Variants in NRG3 observed in about 807,000 individuals in gnomAD.
The protein encoded by NRG3 is pro-neuregulin-3, membrane-bound isoform.
Under a neutral mutation model 66.9 loss-of-function variants are expected in NRG3, and 31 were observed. The observed-to-expected ratio is 0.46, with a 90% confidence interval of 0.35 to 0.63. The LOEUF (loss-of-function observed/expected upper bound fraction) is 0.63, where lower values mean the gene tolerates loss of function less well. Among genes scored for constraint, NRG3 ranks in the 20% least tolerant of loss-of-function variants. The probability of loss-of-function intolerance (pLI) is 0.00; values close to 1 mark genes in which losing one functional copy is unlikely to be tolerated. For synonymous variants in NRG3, 393 were observed against 359.4 expected, an observed-to-expected ratio of 1.09 and a Z score of -1.06; for missense variants, 910 against 878.9, an observed-to-expected ratio of 1.04 and a Z score of -0.45.
chr10:82,576,198 C>A (rs952416777), intron 2 of NRG3, among the ~76,000 whole-genome samples: 5 of 151,428 alleles, frequency 3.3e-5, no homozygotes, highest in Non-Finnish European at 4.4e-5. Context: ...TCTCTTCTTT[C>A]CTGCCTTCTC....
chr10:82,192,668 T>C (rs1318499341), intron 1 of NRG3, among the ~76,000 whole-genome samples: 1 of 152,166 alleles, frequency 6.6e-6, no homozygotes, highest in Non-Finnish European at 1.5e-5. Context: ...AATGTATTAA[T>C]TCATTGATTT....
intron 2 of NRG3, among the ~76,000 whole-genome samples, chr10:82,680,241 C>G (rs1286038741): frequency 1.3e-5 from 2 of 152,112 alleles, no homozygotes; most frequent in Non-Finnish European, 2.9e-5. Flanking sequence ...TGCCTCACAT[C>G]TAATAACTGC....
chr10:82,320,709 C>G (rs1427710786), intron 1 of NRG3, among the ~76,000 whole-genome samples: 2 of 152,118 alleles, frequency 1.3e-5, no homozygotes, highest in Admixed American at 6.5e-5. Flanking sequence ...GTGATATGGA[C>G]AACACATAAG....
chr10:82,688,990 T>C (rs895859454), intron 2 of NRG3, among the ~76,000 whole-genome samples: 1 of 152,186 alleles, frequency 6.6e-6, no homozygotes, highest in African/African-American at 2.4e-5. Flanking sequence ...TCCTGATCTT[T>C]TAAAGCTTTC....
At chr10:81,884,633 G>A (rs1201373611) in intron 1 of NRG3, among the ~76,000 whole-genome samples, 2 of 152,080 alleles carry the variant, frequency 1.3e-5, no homozygotes, top group African/African-American at 4.8e-5. Flanking sequence ...AAGTTCTCTA[G>A]TGATGACTGA....
At chr10:82,963,336 C>T (rs1190241049) in intron 6 of NRG3, among the ~76,000 whole-genome samples, 1 of 152,186 alleles carries the variant, frequency 6.6e-6, no homozygotes, top group African/African-American at 2.4e-5. Flanking sequence ...GCAGCAGTTA[C>T]AAGTGGGTTT....
intron 2 of NRG3, among the ~76,000 whole-genome samples, chr10:82,500,581 A>G (rs565700000): frequency 6.6e-6 from 1 of 152,316 alleles, no homozygotes; most frequent in South Asian, 2.1e-4. Flanking sequence ...TCTAACTTGC[A>G]TCTGATCTGC....
chr10:82,261,266 C>A (rs114016944), intron 1 of NRG3, among the ~76,000 whole-genome samples: 2 of 152,108 alleles, frequency 1.3e-5, no homozygotes, highest in African/African-American at 4.8e-5. Flanking sequence ...GGGCGCCACC[C>A]GCTTCACTCA....
At chr10:82,826,897 C>G (rs1006136037) in intron 3 of NRG3, among the ~76,000 whole-genome samples, 6 of 151,914 alleles carry the variant, frequency 3.9e-5, no homozygotes, top group Non-Finnish European at 8.8e-5. Flanking sequence ...ACATGTACCC[C>G]CTGCACCTAA....
intron 4 of NRG3, among the ~76,000 whole-genome samples, chr10:82,900,836 A>G (rs1239739838): frequency 6.6e-6 from 1 of 152,202 alleles, no homozygotes; most frequent in African/African-American, 2.4e-5. Context: ...GATGACACAC[A>G]TTTTGATGAC....
chr10:82,798,111 G>A (rs1353545927), intron 3 of NRG3, among the ~76,000 whole-genome samples: 1 of 152,002 alleles, frequency 6.6e-6, no homozygotes, highest in Non-Finnish European at 1.5e-5. Flanking sequence ...TTGAAAAAAA[G>A]TGTAACACTG....
chr10:82,405,748 G>A (rs970766525), intron 2 of NRG3, among the ~76,000 whole-genome samples: 6 of 152,172 alleles, frequency 3.9e-5, no homozygotes, highest in African/African-American at 7.2e-5. Flanking sequence ...GATTACAGGC[G>A]TGAGCCACAG....
At chr10:82,522,293 C>A (rs1276937586) in intron 2 of NRG3, among the ~76,000 whole-genome samples, 1 of 152,068 alleles carries the variant, frequency 6.6e-6, no homozygotes, top group Non-Finnish European at 1.5e-5. Context: ...GATCCGCCTG[C>A]CCCAGCCTCT....
At chr10:82,577,142 A>T (rs919365839) in intron 2 of NRG3, among the ~76,000 whole-genome samples, 3 of 151,780 alleles carry the variant, frequency 2.0e-5, no homozygotes, top group South Asian at 2.1e-4. Context: ...TTGAAATGCA[A>T]TATATAATTC....
chr10:82,852,553 A>G (rs1268789219), intron 3 of NRG3, among the ~76,000 whole-genome samples: 1 of 152,174 alleles, frequency 6.6e-6, no homozygotes, highest in African/African-American at 2.4e-5. Context: ...TCTCATCTAT[A>G]AAATACCATC....
chr10:82,290,996 A>G (rs550825606), intron 1 of NRG3, among the ~76,000 whole-genome samples: 2 of 152,020 alleles, frequency 1.3e-5, no homozygotes, highest in Non-Finnish European at 2.9e-5. Context: ...ACACATACAC[A>G]TTATTTTTCT....
At chr10:81,916,265 C>T (rs1487854728) in intron 1 of NRG3, among the ~76,000 whole-genome samples, 3 of 151,990 alleles carry the variant, frequency 2.0e-5, no homozygotes, top group Non-Finnish European at 2.9e-5. Flanking sequence ...ATGAGACAGC[C>T]TTTACTCCTC....
intron 2 of NRG3, among the ~76,000 whole-genome samples, chr10:82,664,203 G>A (rs932541639): frequency 6.6e-6 from 1 of 152,102 alleles, no homozygotes; most frequent in Non-Finnish European, 1.5e-5. Context: ...CAAACTTGGA[G>A]CTAATAAACA....
rs148972609 is a variant in NRG3 at position 82,962,088 on chromosome 10, C to T, written c.1284+3013C>T. Reference sequence around the variant, plus strand: ...TCATCTAACAAGATGCAAAACACCTCGTCAAGTGAAGCAACATGATACTCT... The same window carrying T: ...TCATCTAACAAGATGCAAAACACCTTGTCAAGTGAAGCAACATGATACTCT... On this transcript the variant is annotated intron_variant, in intron 6 of 8. Coordinates refer to ENST00000372141, the MANE Select transcript of NRG3 (RefSeq NM_001010848.4). 1.1e-3 allele frequency among the ~76,000 whole-genome samples: 171 copies of T among 152,284 alleles called. 3 individuals carry two copies. In the East Asian group the frequency reaches 0.023, roughly 20 times the overall value.
Sources: allele counts gnomAD v4.1 joint callset (sites outside exome capture counted in the v4.1 genomes callset), GRCh38; gene constraint gnomAD v4.1.1; transcripts MANE v1.5; gene names NCBI Gene and HGNC (gene_info 2026-07-23, HGNC 2026-07-21).